The following GPR158 variants were observed in gnomAD, a reference collection of about 807,000 sequenced individuals.
GPR158 encodes the protein G protein-coupled receptor 158, also known as metabotropic glycine receptor.
GPR158 carries 30 observed loss-of-function variants against 78.2 expected under a neutral mutation model. The ratio of observed to expected loss-of-function variants is 0.38; its 90% confidence interval spans 0.29 to 0.52. The LOEUF (loss-of-function observed/expected upper bound fraction) is 0.52, where lower values mean the gene tolerates loss of function less well. Among genes scored for constraint, GPR158 ranks in the 20% least tolerant of loss-of-function variants. The probability of loss-of-function intolerance (pLI) is 0.83; values close to 1 mark genes in which losing one functional copy is unlikely to be tolerated. For synonymous variants in GPR158, 581 were observed against 591.1 expected (o/e 0.98, Z 0.25); for missense variants, 1,463 against 1,523.5 (o/e 0.96, Z 0.66).
At chr10:25,425,347 TA>T (rs1337048216) in intron 4 of GPR158, among the ~76,000 whole-genome samples, 2 of 152,122 alleles carry the variant, frequency 1.3e-5, no homozygotes, top group Non-Finnish European at 1.5e-5. Flanking sequence ...CAATGTCTAT[TA>T]TTTTTTTATT....
chr10:25,586,183 G>A (rs932865011), intron 7 of GPR158, among the ~76,000 whole-genome samples: 6 of 152,186 alleles, frequency 3.9e-5, no homozygotes, highest in East Asian at 3.9e-4. Flanking sequence ...ATGAAGACAC[G>A]TTGACGCCTC....
chr10:25,505,765 T>C (rs558957949), intron 5 of GPR158, among the ~76,000 whole-genome samples: 3 of 152,188 alleles, frequency 2.0e-5, no homozygotes, highest in African/African-American at 7.2e-5. Context: ...CACGCCTTCA[T>C]GCTCTTGTAT....
intron 4 of GPR158, among the ~76,000 whole-genome samples, chr10:25,438,000 G>A (rs111264175): frequency 4.6e-5 from 7 of 152,274 alleles, no homozygotes; most frequent in African/African-American, 1.4e-4. Flanking sequence ...TGTAACAGAC[G>A]GGAATAGGGT....
At chr10:25,293,716 G>T (rs1854472053) in intron 2 of GPR158, among the ~76,000 whole-genome samples, 1 of 150,488 alleles carries the variant, frequency 6.6e-6, no homozygotes, top group Non-Finnish European at 1.5e-5. Flanking sequence ...TCTGGTTTGG[G>T]TATTTTAATA....
chr10:25,321,646 TAAAC>T (rs34697786), intron 2 of GPR158, among the ~76,000 whole-genome samples: 114,164 of 149,972 alleles, frequency 0.76, 44,012 homozygotes, highest in Non-Finnish European at 0.83. Flanking sequence ...TCCTTTAAAA[TAAAC>T]AAACAAACAA....
chr10:25,259,228 A>G (rs1853934473), intron 2 of GPR158, among the ~76,000 whole-genome samples: 1 of 152,182 alleles, frequency 6.6e-6, no homozygotes, highest in African/African-American at 2.4e-5. Flanking sequence ...AAAAGCAGCC[A>G]AGGACAAACT....
At chr10:25,242,484 C>T (rs1853640049) in intron 2 of GPR158, among the ~76,000 whole-genome samples, 1 of 152,262 alleles carries the variant, frequency 6.6e-6, no homozygotes, top group Non-Finnish European at 1.5e-5. Context: ...TTTTTGATCT[C>T]ATTTGTCTAT....
chr10:25,185,293 CAT>C (rs1852666763), intron 1 of GPR158, among the ~76,000 whole-genome samples: 1 of 152,256 alleles, frequency 6.6e-6, no homozygotes, highest in East Asian at 1.9e-4. Flanking sequence ...TGTCAGATTA[CAT>C]GTCTATTTAT....
At chr10:25,554,665 G>A (rs367705633) in intron 6 of GPR158, among the ~76,000 whole-genome samples, 2 of 152,170 alleles carry the variant, frequency 1.3e-5, no homozygotes, top group East Asian at 3.9e-4. Flanking sequence ...AGAGTCATAT[G>A]GCCAAAGACT....
At chr10:25,427,568 T>C (rs916432492) in intron 4 of GPR158, among the ~76,000 whole-genome samples, 1 of 152,122 alleles carries the variant, frequency 6.6e-6, no homozygotes, top group Non-Finnish European at 1.5e-5. Context: ...ATTGCTAATA[T>C]AGGTTTTTTA....
chr10:25,303,027 T>G (rs1480993715), intron 2 of GPR158, among the ~76,000 whole-genome samples: 1 of 152,164 alleles, frequency 6.6e-6, no homozygotes, highest in Non-Finnish European at 1.5e-5. Context: ...GCAAAGACTC[T>G]CATGGTGCCC....
At chr10:25,330,374 C>T (rs1031917287) in intron 2 of GPR158, among the ~76,000 whole-genome samples, 1 of 152,084 alleles carries the variant, frequency 6.6e-6, no homozygotes, top group Non-Finnish European at 1.5e-5. Context: ...GTCACATATA[C>T]TAAAATTTAG....
chr10:25,597,046 G>A (rs1281968404), intron 10 of GPR158, among the ~76,000 whole-genome samples: 1 of 152,122 alleles, frequency 6.6e-6, no homozygotes, highest in Non-Finnish European at 1.5e-5. Context: ...GTCAACCTCA[G>A]TAGTCTTAAC....
intron 4 of GPR158, among the ~76,000 whole-genome samples, chr10:25,461,646 C>A (rs1212207955): frequency 6.6e-6 from 1 of 151,884 alleles, no homozygotes; most frequent in Non-Finnish European, 1.5e-5. Flanking sequence ...TAGCTAAGAT[C>A]ATCAATGAAG....
chr10:25,354,691 G>A (rs1186677195), intron 2 of GPR158, among the ~76,000 whole-genome samples: 2 of 152,044 alleles, frequency 1.3e-5, no homozygotes, highest in African/African-American at 2.4e-5. Context: ...TTGCACATTA[G>A]CATCTTTTCT....
chr10:25,283,281 A>G (rs1299932949), intron 2 of GPR158, among the ~76,000 whole-genome samples: 1 of 152,044 alleles, frequency 6.6e-6, no homozygotes, highest in Non-Finnish European at 1.5e-5. Context: ...ATTTATGGGC[A>G]TAGAATTTTT....
intron 2 of GPR158, among the ~76,000 whole-genome samples, chr10:25,308,284 C>A (rs1361243229): frequency 6.6e-6 from 1 of 152,042 alleles, no homozygotes; most frequent in Non-Finnish European, 1.5e-5. Context: ...AGCTATTTTT[C>A]CTAATGCTCT....
intron 1 of GPR158, among the ~76,000 whole-genome samples, chr10:25,207,200 A>C (rs554076640): frequency 6.6e-6 from 1 of 152,184 alleles, no homozygotes; most frequent in South Asian, 2.1e-4. Context: ...CTAAATCAGG[A>C]CTTGACATTC....
chr10:25,479,367 A>G (rs1835631822), intron 5 of GPR158, among the ~76,000 whole-genome samples: 1 of 152,078 alleles, frequency 6.6e-6, no homozygotes, highest in South Asian at 2.1e-4. Context: ...TAGTGGCTGA[A>G]TATTATTGGA....
Sources: allele counts gnomAD v4.1 joint callset (sites outside exome capture counted in the v4.1 genomes callset), GRCh38; gene constraint gnomAD v4.1.1; transcripts MANE v1.5; gene names NCBI Gene and HGNC (gene_info 2026-07-23, HGNC 2026-07-21).